Variants in DMD observed in about 807,000 individuals in gnomAD.
The protein encoded by DMD is mutant dystrophin.
DMD carries 63 observed loss-of-function variants against 330.1 expected under a neutral mutation model. The ratio of observed to expected loss-of-function variants is 0.19; its 90% CI spans 0.16 to 0.24. The LOEUF is 0.24. Ranked by LOEUF, DMD falls within the 10% of genes least tolerant of loss-of-function variation. DMD has a pLI of 1.00. For missense variants in DMD, 3,344 were observed against 2,684.1 expected, an observed-to-expected ratio of 1.25 and a Z score of -5.43; for synonymous variants, 1,223 against 959.8, an observed-to-expected ratio of 1.27 and a Z score of -5.07.
At position 32,415,373 on chromosome X, in the gene DMD, T is replaced by C. The variant is rs141786283; in HGVS notation, c.4072-3460A>G. Among the ~76,000 whole-genome samples the C allele has an allele frequency of 3.0e-3, 332 of 111,902 alleles. 3 individuals are homozygous for C. Among genetic ancestry groups the C allele is most frequent in the African/African-American group, 9.4e-3 (289 of 30,770 alleles). ...CCTGACAGTCAATAAGAGAGGCTGA[T>C]TTACACAGATTCCTTGATTATCTCA... is the stretch of plus-strand genomic sequence containing the variant. On this transcript the variant is annotated intron_variant, in intron 29 of 78. Coordinates refer to ENST00000357033, the MANE Select transcript of DMD (RefSeq NM_004006.3).
chrX:31,662,861 A>G (rs1156800396), intron 53 of DMD, among the ~76,000 whole-genome samples: 1 of 111,983 alleles, frequency 8.9e-6, no homozygotes, highest in African/African-American at 3.2e-5. Flanking sequence ...GCTTATGAAC[A>G]AAAAGTTCTA....
chrX:32,747,645 A>G (rs112122410), intron 7 of DMD, among the ~76,000 whole-genome samples: 16,140 of 109,815 alleles, frequency 0.15, 1,362 homozygotes, highest in African/African-American at 0.32. Context: ...GCACTACCAC[A>G]CCTCGCTAAT....
chrX:32,646,811 C>CT (rs1399651415), intron 9 of DMD, among the ~76,000 whole-genome samples: 2 of 111,820 alleles, frequency 1.8e-5, no homozygotes, highest in African/African-American at 6.5e-5. Flanking sequence ...ATGATGCACT[C>CT]TTTTTCCAGT....
At chrX:32,572,321 A>T (rs1204571331) in intron 15 of DMD, among the ~76,000 whole-genome samples, 1 of 111,928 alleles carries the variant, frequency 8.9e-6, no homozygotes, top group Non-Finnish European at 1.9e-5. Context: ...TTTAGAAATT[A>T]TTGCATTATT....
chrX:32,346,460 C>T (rs1166412766), intron 38 of DMD, among the ~76,000 whole-genome samples: 2 of 110,919 alleles, frequency 1.8e-5, no homozygotes, highest in East Asian at 5.6e-4. Flanking sequence ...GTTAACTGAT[C>T]CATAAAGGAA....
rs187923131 is a variant in DMD at position 33,219,661 on chromosome X, C to A, written c.7+119598G>T. Among the ~76,000 whole-genome samples the A allele has an allele frequency of 3.2e-3, 357 of 110,924 alleles. 2 individuals are homozygous for A. Among genetic ancestry groups the A allele is most frequent in the African/African-American group, 0.011 (344 of 30,554 alleles). On this transcript the variant is annotated intron_variant, in intron 1 of 17. Transcript: ENST00000288447. ...CTGTGTTGTGAAAATAATGACTCCT[C>A]ACTTTGTGGATTGATTCCCAACTGT...
intron 2 of DMD, among the ~76,000 whole-genome samples, chrX:33,001,490 C>T (rs928321536): frequency 1.8e-5 from 2 of 111,699 alleles, no homozygotes; most frequent in Non-Finnish European, 3.8e-5. Flanking sequence ...CTGAAAAACA[C>T]TCATGAACCA....
chrX:32,909,418 T>C (rs1713022252), intron 2 of DMD, among the ~76,000 whole-genome samples: 1 of 111,614 alleles, frequency 9.0e-6, no homozygotes, highest in Admixed American at 9.6e-5. Context: ...AGTATTTCCG[T>C]GGGGGTAATG....
chrX:32,848,384 A>T (rs778000013), intron 3 of DMD, among the ~76,000 whole-genome samples: 30 of 111,942 alleles, frequency 2.7e-4, no homozygotes, highest in Non-Finnish European at 5.3e-4. Context: ...TTACACACAA[A>T]TCTATCTCTA....
intron 5 of DMD, among the ~76,000 whole-genome samples, chrX:32,820,284 T>C (rs1461719749): frequency 9.1e-6 from 1 of 109,889 alleles, no homozygotes; most frequent in Non-Finnish European, 1.9e-5. Context: ...CTGAACAAAA[T>C]ACAAAAAATT....
chrX:32,509,275 C>T (rs2045021659), intron 18 of DMD, among the ~76,000 whole-genome samples: 1 of 109,831 alleles, frequency 9.1e-6, no homozygotes, highest in Non-Finnish European at 1.9e-5. Context: ...ATACGTTCGT[C>T]CTCAAATGAA....
At chrX:32,216,767 T>A in intron 44 of DMD, 149 bp downstream of exon 44, 8 of 525,864 alleles carry the variant, frequency 1.5e-5, no homozygotes, top group Non-Finnish European at 2.6e-5. Flanking sequence ...ATATTATCAT[T>A]ATGATAATTT....
At chrX:32,731,422 G>GGCCT (rs1342453241) in intron 7 of DMD, among the ~76,000 whole-genome samples, 1 of 112,786 alleles carries the variant, frequency 8.9e-6, no homozygotes, top group Non-Finnish European at 1.9e-5. Flanking sequence ...AACTCAAGGA[G>GGCCT]GCCTGCCTGC....
intron 17 of DMD, 123 bp from the exon 18 acceptor site, chrX:32,518,254 T>C: frequency 7.3e-6 from 5 of 680,858 alleles, no homozygotes; most frequent in Non-Finnish European, 1.1e-5. Flanking sequence ...GACACCTCTA[T>C]TAGTATTAAT....
At chrX:32,721,654 G>A (rs115259608) in intron 7 of DMD, among the ~76,000 whole-genome samples, 1,858 of 110,879 alleles carry the variant, frequency 0.017, 45 homozygotes, top group African/African-American at 0.057. Flanking sequence ...TCTGTAGGCT[G>A]TGTTTTTCTT....
At chrX:32,396,818 T>A (rs767578412) in intron 30 of DMD, among the ~76,000 whole-genome samples, 1 of 111,875 alleles carries the variant, frequency 8.9e-6, no homozygotes, top group Non-Finnish European at 1.9e-5. Context: ...TTCCACAAAA[T>A]TTACATTTAA....
intron 60 of DMD, among the ~76,000 whole-genome samples, chrX:31,404,549 GAA>G (rs1306048726): frequency 8.9e-6 from 1 of 112,039 alleles, no homozygotes; most frequent in Non-Finnish European, 1.9e-5. Flanking sequence ...AGAGATTGCA[GAA>G]ATCATTCACC....
chrX:32,744,742 C>G (rs1213980056), intron 7 of DMD, among the ~76,000 whole-genome samples: 1 of 111,605 alleles, frequency 9.0e-6, no homozygotes, highest in Non-Finnish European at 1.9e-5. Context: ...CCAATCAATC[C>G]TCTTCATCTG....
Position 32,217,055 on chromosome X carries a change from T to C in DMD, c.6299A>G (p.Asp2100Gly). The change falls in exon 44 of 79, where the codon GAC becomes GGC. Residue 2100 changes from aspartate to glycine, a missense_variant. By Grantham distance (94) the Asp-to-Gly change is moderately conservative. Transcript: ENST00000357033. ...KMYKDRQGRF[D>G]RSVEKWRRFH... ...ACGCCGCCATTTCTCAACAGATCTG[T>C]CAAATCGCCTGCAGGTAAAAGCATA... 2.5e-6 allele frequency: 3 copies of C among 1,209,102 alleles called. No homozygotes were observed. The highest frequency in any genetic ancestry group is 3.4e-6 in the Non-Finnish European group (3 of 893,661).
Sources: allele counts gnomAD v4.1 joint callset (sites outside exome capture counted in the v4.1 genomes callset), GRCh38; gene constraint gnomAD v4.1.1; transcripts MANE v1.5; gene names NCBI Gene and HGNC (gene_info 2026-07-23, HGNC 2026-07-21).